The following CABCOCO1 variants were observed in gnomAD, a reference collection of about 807,000 sequenced individuals.
CABCOCO1 encodes ciliary associated calcium binding coiled-coil 1, also known as ciliary-associated calcium-binding coiled-coil protein 1.
In CABCOCO1, 28 loss-of-function variants were observed where a neutral mutation model predicts 35.7. That is an observed-to-expected ratio of 0.78 (90% CI 0.58 to 1.07). The LOEUF is 1.07. CABCOCO1 is among the 50% of genes least tolerant of loss of function. The pLI, the probability that CABCOCO1 is intolerant of heterozygous loss-of-function variation, is 0.00. For synonymous variants in CABCOCO1, 95 were observed against 100.1 expected, an observed-to-expected ratio of 0.95 and a Z score of 0.30; for missense variants, 326 against 309.2, an observed-to-expected ratio of 1.05 and a Z score of -0.41.
intron 5 of CABCOCO1, among the ~76,000 whole-genome samples, chr10:61,757,175 G>A (rs936790862): frequency 2.0e-5 from 3 of 151,006 alleles, no homozygotes; most frequent in Non-Finnish European, 4.4e-5. Flanking sequence ...TCATTTAAAC[G>A]TATTTTCTGG....
At chr10:61,727,072 A>C (rs1841171944) in intron 5 of CABCOCO1, among the ~76,000 whole-genome samples, 1 of 152,048 alleles carries the variant, frequency 6.6e-6, no homozygotes, top group Non-Finnish European at 1.5e-5. Flanking sequence ...ATACACAAAA[A>C]AAATGTTATA....
chr10:61,669,243 T>C lies in CABCOCO1; in HGVS notation c.61-3389T>C, dbSNP rs1839286707. Among the ~76,000 whole-genome samples the C allele has an allele frequency of 1.3e-5, 2 of 151,850 alleles. 1 individual carries two copies. The highest frequency in any genetic ancestry group is 1.3e-4 in the Admixed American group (2 of 15,236). ...AAAAAATATATACAAATGTGAAAAG[T>C]TTAGTTGACATTAGAGAGGGAAAAA... On this transcript the variant is annotated intron_variant, in intron 1 of 7. Coordinates refer to ENST00000648843, the MANE Select transcript of CABCOCO1 (RefSeq NM_001366906.2).
chr10:61,706,219 AAT>A (rs1840589166), intron 5 of CABCOCO1, among the ~76,000 whole-genome samples: 1 of 152,190 alleles, frequency 6.6e-6, no homozygotes, highest in Admixed American at 6.5e-5. Flanking sequence ...CTGCTAACCA[AAT>A]ATATATGTTT....
chr10:61,720,223 T>A (rs867334746), intron 5 of CABCOCO1, among the ~76,000 whole-genome samples: 11 of 152,228 alleles, frequency 7.2e-5, no homozygotes, highest in Middle Eastern at 3.4e-3. Flanking sequence ...AACTTCAATT[T>A]TTTTTAAGTA....
intron 1 of CABCOCO1, among the ~76,000 whole-genome samples, chr10:61,672,373 T>C (rs1226935635): frequency 6.6e-6 from 1 of 152,222 alleles, no homozygotes; most frequent in African/African-American, 2.4e-5. Flanking sequence ...AATGTTTAGA[T>C]AATAAATATT....
intron 5 of CABCOCO1, among the ~76,000 whole-genome samples, chr10:61,747,215 A>C (rs1181904596): frequency 1.3e-5 from 2 of 149,726 alleles, no homozygotes; most frequent in Admixed American, 1.3e-4. Flanking sequence ...AACAAAATAC[A>C]CTGCAAGGAA....
chr10:61,684,154 G>A (rs550709474), intron 3 of CABCOCO1, among the ~76,000 whole-genome samples: 1 of 152,132 alleles, frequency 6.6e-6, no homozygotes, highest in Non-Finnish European at 1.5e-5. Context: ...CACTTAGAAT[G>A]ATATAGGAAA....
intron 5 of CABCOCO1, among the ~76,000 whole-genome samples, chr10:61,757,696 C>G (rs1046568770): frequency 4.6e-5 from 4 of 87,614 alleles, no homozygotes; most frequent in African/African-American, 1.3e-4. Context: ...CACACACACA[C>G]ACAGACACAC....
rs1842116670 is a variant in CABCOCO1, at chr10:61,766,656, G to A, written c.*643G>A. The A allele has an allele frequency of 6.6e-6, 1 of 151,826 alleles. No homozygotes were observed. Among genetic ancestry groups the A allele is most frequent in the Non-Finnish European group, 1.5e-5 (1 of 67,950 alleles). The allele number at this position is 151,826 out of a possible 1,614,324, so 9.4% of individuals were successfully genotyped here. ...TTCTAATCTTGTTACTCTCCCAGGAGAATACATGACCTATATAAAAAGAAG... is the reference window on the plus strand; with the variant it reads ...TTCTAATCTTGTTACTCTCCCAGGAAAATACATGACCTATATAAAAAGAAG... On this transcript the variant is annotated 3_prime_UTR_variant, in exon 8 of 8. Coordinates refer to ENST00000648843, the MANE Select transcript of CABCOCO1 (RefSeq NM_001366906.2).
At chr10:61,735,629 A>C (rs1841399690) in intron 5 of CABCOCO1, among the ~76,000 whole-genome samples, 1 of 152,150 alleles carries the variant, frequency 6.6e-6, no homozygotes, top group Non-Finnish European at 1.5e-5. Context: ...TTTTTGTTTT[A>C]ATCCTAAATT....
chr10:61,667,236 A>T (rs951414133), intron 1 of CABCOCO1, among the ~76,000 whole-genome samples: 6 of 148,192 alleles, frequency 4.0e-5, no homozygotes, highest in South Asian at 2.1e-4. Context: ...TTTTTATTTT[A>T]AAAATTTTGT....
At chr10:61,666,094 T>G (rs1839164205) in intron 1 of CABCOCO1, among the ~76,000 whole-genome samples, 1 of 152,148 alleles carries the variant, frequency 6.6e-6, no homozygotes, top group South Asian at 2.1e-4. Context: ...GACAGGATGC[T>G]TACATAATTT....
At chr10:61,677,068 A>AATAATAATAATAAT (rs375409640) in intron 2 of CABCOCO1, among the ~76,000 whole-genome samples, 2,708 of 144,278 alleles carry the variant, frequency 0.019, 57 homozygotes, top group African/African-American at 0.048. Flanking sequence ...CTGTCTCAAA[A>AATAATAATAATAAT]AATAATAATA....
At chr10:61,703,114 T>A (rs1840501828) in intron 5 of CABCOCO1, among the ~76,000 whole-genome samples, 1 of 152,092 alleles carries the variant, frequency 6.6e-6, no homozygotes, top group African/African-American at 2.4e-5. Flanking sequence ...CCCAGAGCAC[T>A]GACTTTGGAC....
At chr10:61,726,819 A>G (rs1457644681) in intron 5 of CABCOCO1, among the ~76,000 whole-genome samples, 1 of 140,624 alleles carries the variant, frequency 7.1e-6, no homozygotes, top group Non-Finnish European at 1.5e-5. Context: ...GCACTTTGGG[A>G]GGCGAGCGGG....
At chr10:61,722,109 A>C (rs1290303964) in intron 5 of CABCOCO1, among the ~76,000 whole-genome samples, 1 of 152,140 alleles carries the variant, frequency 6.6e-6, no homozygotes, top group African/African-American at 2.4e-5. Flanking sequence ...TCTGTGGTGA[A>C]TGGTCTCTGG....
intron 5 of CABCOCO1, among the ~76,000 whole-genome samples, chr10:61,705,438 TGTCA>T (rs1840570663): frequency 1.3e-5 from 2 of 152,238 alleles, no homozygotes; most frequent in Non-Finnish European, 2.9e-5. Flanking sequence ...GGAGACTTTC[TGTCA>T]GTCAGTAAGT....
intron 2 of CABCOCO1, among the ~76,000 whole-genome samples, chr10:61,680,354 T>A (rs1458830206): frequency 7.2e-6 from 1 of 138,474 alleles, no homozygotes; most frequent in East Asian, 2.0e-4. Context: ...ATAACATATA[T>A]AATATATATA....
chr10:61,725,520 A>G (rs993935802), intron 5 of CABCOCO1, among the ~76,000 whole-genome samples: 1 of 151,704 alleles, frequency 6.6e-6, no homozygotes, highest in Non-Finnish European at 1.5e-5. Context: ...CAGAAAACCA[A>G]ACACCACATG....
Sources: allele counts gnomAD v4.1 joint callset (sites outside exome capture counted in the v4.1 genomes callset), GRCh38; gene constraint gnomAD v4.1.1; transcripts MANE v1.5; gene names NCBI Gene and HGNC (gene_info 2026-07-23, HGNC 2026-07-21).